Variants in COG5 observed in about 807,000 individuals in gnomAD.
COG5 encodes conserved oligomeric Golgi complex subunit 5.
Under a neutral mutation model 110.4 loss-of-function variants are expected in COG5, and 86 were observed. That is an observed-to-expected ratio of 0.78 (90% CI 0.65 to 0.93). The LOEUF is 0.93. COG5 is among the 40% of genes least tolerant of loss of function. COG5 has a pLI of 0.00. For synonymous variants in COG5, 360 were observed against 334.6 expected (o/e 1.08, Z -0.83); for missense variants, 1,077 against 987.0 (o/e 1.09, Z -1.22).
intron 5 of COG5, 35 bp downstream of exon 5, chr7:107,548,076 T>C: frequency 6.4e-7 from 1 of 1,552,976 alleles, no homozygotes; most frequent in South Asian, 1.1e-5. Context: ...ACAAAATGAA[T>C]AATAAAGTAT....
chr7:107,514,389 AT>A (rs1799773024), intron 6 of COG5, among the ~76,000 whole-genome samples: 2 of 151,286 alleles, frequency 1.3e-5, no homozygotes, highest in Non-Finnish European at 2.9e-5. Context: ...ATTTTGGTTT[AT>A]TATGAGGTTA....
chr7:107,501,385 T>A (rs1798620502), intron 6 of COG5, among the ~76,000 whole-genome samples: 1 of 152,114 alleles, frequency 6.6e-6, no homozygotes, highest in African/African-American at 2.4e-5. Context: ...TCAAACTTTA[T>A]AAGTCTTCCA....
At chr7:107,264,562 C>T (rs1011786319) in intron 14 of COG5, among the ~76,000 whole-genome samples, 6 of 151,814 alleles carry the variant, frequency 4.0e-5, no homozygotes, top group Admixed American at 2.0e-4. Context: ...TGTGGTGGTA[C>T]GCGCCTGTAG....
chr7:107,272,206 T>G (rs1804335289), intron 14 of COG5, among the ~76,000 whole-genome samples: 1 of 152,142 alleles, frequency 6.6e-6, no homozygotes, highest in African/African-American at 2.4e-5. Context: ...TGCCTCCCAT[T>G]CTATTCAGAG....
chr7:107,461,322 T>C (rs1053105725), intron 6 of COG5, among the ~76,000 whole-genome samples: 3 of 151,878 alleles, frequency 2.0e-5, no homozygotes, highest in Non-Finnish European at 2.9e-5. Flanking sequence ...TGTTACTAGA[T>C]TAAATGAGAA....
intron 6 of COG5, among the ~76,000 whole-genome samples, chr7:107,476,238 A>C (rs969792972): frequency 6.7e-6 from 1 of 149,538 alleles, no homozygotes. Flanking sequence ...CTGACTTCCT[A>C]ACTTTATTCA....
At chr7:107,204,792 G>A (rs561582462) in intron 21 of COG5, among the ~76,000 whole-genome samples, 2 of 151,964 alleles carry the variant, frequency 1.3e-5, no homozygotes, top group African/African-American at 2.4e-5. Flanking sequence ...TCCAGCCCTC[G>A]ACCTCCCCCT....
intron 6 of COG5, chr7:107,470,240 C>T (rs191555933): frequency 1.1e-4 from 16 of 152,344 alleles, no homozygotes; most frequent in Admixed American, 4.6e-4. Flanking sequence ...ACTGCAGCAG[C>T]CTCTAAGCAG....
At chr7:107,233,109 AG>A (rs762814331) in intron 18 of COG5, among the ~76,000 whole-genome samples, 33 of 152,232 alleles carry the variant, frequency 2.2e-4, no homozygotes, top group Admixed American at 1.6e-3. Context: ...GGGCACCAGA[AG>A]ACCTATAAAT....
At chr7:107,509,040 G>A (rs1002440050) in intron 6 of COG5, among the ~76,000 whole-genome samples, 2 of 152,210 alleles carry the variant, frequency 1.3e-5, no homozygotes, top group African/African-American at 2.4e-5. Context: ...GAACAAAGCT[G>A]GAAGGAGAAT....
intron 21 of COG5, chr7:107,207,957 A>G: frequency 2.0e-6 from 2 of 985,462 alleles, no homozygotes; most frequent in Non-Finnish European, 2.4e-6. Context: ...TGAGTATACA[A>G]CAAGGTTTGC....
chr7:107,536,791 G>A (rs1320570106), intron 5 of COG5, among the ~76,000 whole-genome samples: 1 of 152,110 alleles, frequency 6.6e-6, no homozygotes, highest in Non-Finnish European at 1.5e-5. Flanking sequence ...CCAAAAAAGA[G>A]CCCATATAGC....
chr7:107,358,531 G>C (rs1812824936), intron 10 of COG5, among the ~76,000 whole-genome samples: 1 of 152,194 alleles, frequency 6.6e-6, no homozygotes, highest in Non-Finnish European at 1.5e-5. Context: ...TAACAGGTCT[G>C]AGTAGCTATT....
At chr7:107,431,821 A>G (rs545749316) in intron 6 of COG5, among the ~76,000 whole-genome samples, 12 of 152,056 alleles carry the variant, frequency 7.9e-5, no homozygotes, top group Non-Finnish European at 1.3e-4. Flanking sequence ...ACACCTAGCT[A>G]ATTTTTTTAT....
At chr7:107,468,166 T>C (rs1200570657) in intron 6 of COG5, among the ~76,000 whole-genome samples, 1 of 152,220 alleles carries the variant, frequency 6.6e-6, no homozygotes, top group Non-Finnish European at 1.5e-5. Context: ...AACCGCCTAG[T>C]ACAGCGTGGT....
intron 10 of COG5, among the ~76,000 whole-genome samples, chr7:107,353,715 T>C (rs1433565865): frequency 6.6e-6 from 1 of 152,192 alleles, no homozygotes; most frequent in Admixed American, 6.5e-5. Context: ...GTCCCTAAGA[T>C]TGTTACACCA....
At chr7:107,499,572 A>AT (rs1236441177) in intron 6 of COG5, among the ~76,000 whole-genome samples, 1 of 151,834 alleles carries the variant, frequency 6.6e-6, no homozygotes, top group Non-Finnish European at 1.5e-5. Flanking sequence ...TGCCCAGCTA[A>AT]TTTTTTGTAT....
intron 5 of COG5, among the ~76,000 whole-genome samples, chr7:107,540,375 C>T (rs944258410): frequency 6.6e-6 from 1 of 150,768 alleles, no homozygotes; most frequent in Non-Finnish European, 1.5e-5. Context: ...AGTTTGAAAT[C>T]AGCCTAGGCA....
At chr7:107,461,728 C>G (rs772534765) in intron 6 of COG5, among the ~76,000 whole-genome samples, 1 of 152,096 alleles carries the variant, frequency 6.6e-6, no homozygotes. Flanking sequence ...GTTCAATATT[C>G]AAAATTCAAC....
Sources: allele counts gnomAD v4.1 joint callset (sites outside exome capture counted in the v4.1 genomes callset), GRCh38; gene constraint gnomAD v4.1.1; transcripts MANE v1.5; gene names NCBI Gene and HGNC (gene_info 2026-07-23, HGNC 2026-07-21).